Variants in PLB1 observed in about 807,000 individuals in gnomAD.
The protein encoded by PLB1 is phospholipase B1.
Under a neutral mutation model 227.4 loss-of-function variants are expected in PLB1, and 242 were observed. That is an observed-to-expected ratio of 1.06 (90% confidence interval 0.96 to 1.18). The LOEUF is 1.18. Ranked by LOEUF, PLB1 falls within the 50% of genes most tolerant of loss-of-function variation. PLB1 has a pLI of 0.00. For synonymous variants in PLB1, 757 were observed against 682.2 expected (o/e 1.11, Z -1.71); for missense variants, 1,858 against 1,816.3 (o/e 1.02, Z -0.42).
At chr2:28,514,054 TTAA>T (rs1668567873) in intron 1 of PLB1, among the ~76,000 whole-genome samples, 1 of 152,244 alleles carries the variant, frequency 6.6e-6, no homozygotes, top group Non-Finnish European at 1.5e-5. Flanking sequence ...TTTTTAAAAC[TTAA>T]TAGTAGAGTG....
Position 28,585,943 on chromosome 2 carries a change from G to A in PLB1, c.1815+101G>A. ...TGCTTAGGTAATTTTGACCCTGTGT[G>A]GGGGATGACCACTGACTAGTTTGCT... On this transcript the variant is annotated intron_variant, in intron 26 of 57. Coordinates refer to ENST00000327757, the MANE Select transcript of PLB1 (RefSeq NM_153021.5). 1.2e-5 allele frequency: 13 copies of A among 1,077,604 alleles called. 1 individual carries two copies. Among genetic ancestry groups the A allele is most frequent in the South Asian group, 1.0e-4 (8 of 77,310 alleles). 66.8% of individuals were successfully genotyped at this position (1,077,604 alleles called of 1,614,324 possible). A position where few individuals can be genotyped will look rare whatever the true frequency, so the allele number is the denominator to read the frequency against.
chr2:28,587,565 G>A (rs997575213), intron 26 of PLB1, among the ~76,000 whole-genome samples: 6 of 151,774 alleles, frequency 4.0e-5, no homozygotes, highest in African/African-American at 1.5e-4. Flanking sequence ...AGCCGAGATT[G>A]CACCGTTGCG....
At chr2:28,561,426 A>T (rs1179571807) in intron 17 of PLB1, among the ~76,000 whole-genome samples, 1 of 152,280 alleles carries the variant, frequency 6.6e-6, no homozygotes, top group African/African-American at 2.4e-5. Flanking sequence ...TCTCAGGTGT[A>T]TACCAAAATA....
intron 55 of PLB1, among the ~76,000 whole-genome samples, 185 bp from the exon 56 acceptor site, chr2:28,632,755 CAAAA>C (rs200230828): frequency 6.8e-6 from 1 of 147,268 alleles, no homozygotes; most frequent in African/African-American, 2.6e-5. Flanking sequence ...AACTCCGTCT[CAAAA>C]AAAAAGAAAA....
At position 28,604,772 on chromosome 2, in the gene PLB1, C is replaced by A; in HGVS notation, c.2961+13C>A. 1 of 1,608,754 alleles carries A rather than the reference C, an allele frequency of 6.2e-7. No individual in the cohort carries two copies. Among genetic ancestry groups the A allele is most frequent in the Non-Finnish European group, 8.5e-7 (1 of 1,175,806 alleles). On this transcript the variant is annotated intron_variant, in intron 41 of 57. Coordinates refer to ENST00000327757, the MANE Select transcript of PLB1 (RefSeq NM_153021.5). ...CCCTGTCCTGGCGGTATGTCCCCTG[C>A]CCTCACCCATGGTACTCTTTTAGAG...
chr2:28,616,593 G>A (rs1005283518), intron 44 of PLB1, among the ~76,000 whole-genome samples: 12 of 152,312 alleles, frequency 7.9e-5, no homozygotes, highest in East Asian at 3.9e-4. Flanking sequence ...AATCTACATG[G>A]AATATGCTTA....
At chr2:28,548,205 CAG>C in intron 14 of PLB1, among the ~76,000 whole-genome samples, 1 of 152,294 alleles carries the variant, frequency 6.6e-6, no homozygotes, top group Non-Finnish European at 1.5e-5. Context: ...TCTCAGGGAA[CAG>C]AGGGTTTCCA....
At chr2:28,567,512 G>A (rs1422339762) in intron 20 of PLB1, among the ~76,000 whole-genome samples, 16 of 113,626 alleles carry the variant, frequency 1.4e-4, no homozygotes, top group Admixed American at 1.2e-3. Context: ...TCACTCTGTT[G>A]CCAGGCTGGA....
At chr2:28,580,306 A>T (rs1266427962) in intron 23 of PLB1, among the ~76,000 whole-genome samples, 1 of 152,258 alleles carries the variant, frequency 6.6e-6, no homozygotes, top group Non-Finnish European at 1.5e-5. Context: ...TGAAGGAAAC[A>T]CAGGCCCTGT....
intron 51 of PLB1, among the ~76,000 whole-genome samples, chr2:28,627,383 G>C (rs1687943050): frequency 6.6e-6 from 1 of 152,162 alleles, no homozygotes; most frequent in Non-Finnish European, 1.5e-5. Context: ...GTGGACGCTG[G>C]CGTAGGGAAA....
chr2:28,589,680 A>G lies in PLB1; in HGVS notation c.1926A>G (p.Gly642=), dbSNP rs778046186. 15 of 1,613,924 alleles carry G rather than the reference A, an allele frequency of 9.3e-6. No individual in the cohort carries two copies. Among genetic ancestry groups the G allele is most frequent in the Non-Finnish European group, 1.3e-5 (15 of 1,180,004 alleles). ...ENVDMPKTSE[G]LPDNSFFAPD... ...TTTTTCTGCCCGGTGACCAGGAAGG[A>G]TTGCCTGACAACTCTTTCTTCGCTC... The change falls in exon 28 of 58, where the codon GGA becomes GGG. Residue 642 remains glycine (G), a synonymous_variant. Coordinates refer to ENST00000327757, the MANE Select transcript of PLB1 (RefSeq NM_153021.5).
chr2:28,591,007 G>A, intron 29 of PLB1, 126 bp from the exon 30 acceptor site: 1 of 1,185,260 alleles, frequency 8.4e-7, no homozygotes. Context: ...GCCTGGTAGA[G>A]GCTGGGCTTG....
chr2:28,582,305 G>A, intron 24 of PLB1, 100 bp from the exon 25 acceptor site: 7 of 1,208,340 alleles, frequency 5.8e-6, no homozygotes, highest in South Asian at 1.3e-5. Flanking sequence ...GCAGATGGAA[G>A]TCCCTAGATC....
rs1271737569 is a variant in PLB1, at chr2:28,618,413, C to T, written c.3315+14C>T. The T allele has an allele frequency of 2.5e-6, 4 of 1,613,408 alleles. No individual in the cohort carries two copies. The East Asian group carries it at 8.9e-5, about 36-fold the overall frequency. Reference sequence around the variant, plus strand: ...GACTCTCTGACTGTGAGTAGTGAGCCATGAACCAGGATGGGCAGCTCAGAG... The same window carrying T: ...GACTCTCTGACTGTGAGTAGTGAGCTATGAACCAGGATGGGCAGCTCAGAG... On this transcript the variant is annotated intron_variant, in intron 46 of 57. Transcript: ENST00000327757.
chr2:28,562,282 G>T (rs192314057), intron 17 of PLB1, among the ~76,000 whole-genome samples: 3 of 151,938 alleles, frequency 2.0e-5, no homozygotes, highest in Non-Finnish European at 4.4e-5. Flanking sequence ...GTTGGCTCTC[G>T]CCTGTAATCC....
intron 43 of PLB1, among the ~76,000 whole-genome samples, chr2:28,610,884 G>A (rs56111699): frequency 0.23 from 34,513 of 151,782 alleles, 4,361 homozygotes; most frequent in East Asian, 0.34. Context: ...CCATTCAGTC[G>A]GCCCCCCTTT....
At chr2:28,585,668 A>T in intron 25 of PLB1, 93 bp from the exon 26 acceptor site, 1 of 1,051,040 alleles carries the variant, frequency 9.5e-7, no homozygotes, top group Non-Finnish European at 1.5e-6. Flanking sequence ...AAGTTAAAAG[A>T]AATGTATTGA....
intron 25 of PLB1, among the ~76,000 whole-genome samples, chr2:28,583,849 CAAA>C (rs201248672): frequency 6.9e-6 from 1 of 144,690 alleles, no homozygotes; most frequent in African/African-American, 2.5e-5. Flanking sequence ...GCAAATATTC[CAAA>C]AAAAAAAAAA....
intron 56 of PLB1, among the ~76,000 whole-genome samples, chr2:28,635,920 G>A (rs1689242161): frequency 1.3e-5 from 2 of 152,182 alleles, no homozygotes; most frequent in Admixed American, 1.3e-4. Flanking sequence ...CCTGTCTTCA[G>A]ACTTAGAGCT....
Sources: gnomAD v4.1 joint callset for allele counts (sites outside exome capture counted in the v4.1 genomes callset) on GRCh38, gnomAD v4.1.1 for gene constraint, MANE v1.5 for transcripts, NCBI Gene and HGNC (gene_info 2026-07-23, HGNC 2026-07-21) for gene names.